Variants in ATG5 observed in about 807,000 individuals in gnomAD.
ATG5 encodes autophagy protein 5.
A neutral mutation model predicts 36.5 loss-of-function variants in ATG5; 14 were observed. That is an observed-to-expected ratio of 0.38 (90% CI 0.25 to 0.60). ATG5 has a LOEUF of 0.60. ATG5 is among the 20% of genes least tolerant of loss of function. The pLI is 0.60. For missense variants in ATG5, 195 were observed against 326.7 expected (o/e 0.60, Z 3.11); for synonymous variants, 95 against 101.5 (o/e 0.94, Z 0.38).
At position 106,240,854 on chromosome 6, in the gene ATG5, TAA is replaced by T. The variant is rs376670140; in HGVS notation, c.573+7294_573+7295del. ...TACAGATTAAACATAATGCAGCCAT[TAA>T]AAAAGAATAAATTAGGCTGGGTGCG... On this transcript the variant is annotated intron_variant, in intron 6 of 7. Coordinates refer to ENST00000369076, the MANE Select transcript of ATG5 (RefSeq NM_004849.4). Among the ~76,000 whole-genome samples the T allele has an allele frequency of 4.2e-3, 643 of 152,168 alleles. 3 individuals carry two copies. Among genetic ancestry groups the T allele is most frequent in the African/African-American group, 0.015 (602 of 41,516 alleles).
At chr6:106,213,057 A>G (rs146911181) in intron 6 of ATG5, among the ~76,000 whole-genome samples, 75 of 152,312 alleles carry the variant, frequency 4.9e-4, no homozygotes, top group African/African-American at 1.7e-3. Context: ...GACTACTACT[A>G]CTAACATATA....
chr6:106,309,632 A>G (rs117592524), intron 2 of ATG5, among the ~76,000 whole-genome samples: 1 of 152,296 alleles, frequency 6.6e-6, no homozygotes, highest in Non-Finnish European at 1.5e-5. Flanking sequence ...CCCCACAGGA[A>G]GTATTATCGC....
rs540429872 is a variant in ATG5 at position 106,303,590 on chromosome 6, C to A, written c.236+4774G>T. ...AGCCCGTATAACCCTAATGCTAAAT[C>A]AGACAATAGAAAAAACAGAAAACTA... is the stretch of plus-strand genomic sequence containing the variant. On this transcript the variant is annotated intron_variant, in intron 3 of 7. Transcript: ENST00000369076. Among the ~76,000 whole-genome samples, 12 of 152,182 alleles carry A rather than the reference C, an allele frequency of 7.9e-5. No individual in the cohort carries two copies. In the South Asian group the frequency reaches 2.3e-3, roughly 29 times the overall value.
intron 4 of ATG5, among the ~76,000 whole-genome samples, chr6:106,282,154 A>C (rs1051919007): frequency 1.3e-5 from 2 of 152,228 alleles, no homozygotes; most frequent in African/African-American, 4.8e-5. Context: ...GCACACCTCC[A>C]AAATGGACCA....
At chr6:106,297,573 C>T (rs1037391221) in intron 3 of ATG5, among the ~76,000 whole-genome samples, 1 of 151,868 alleles carries the variant, frequency 6.6e-6, no homozygotes, top group African/African-American at 2.4e-5. Context: ...GGGATGTTGA[C>T]CATTTTAGAT....
intron 6 of ATG5, among the ~76,000 whole-genome samples, chr6:106,239,468 C>A (rs528645887): frequency 6.6e-6 from 1 of 151,942 alleles, no homozygotes; most frequent in African/African-American, 2.4e-5. Context: ...CTATGGGGAA[C>A]TGAATAAGTG....
chr6:106,290,213 ATTTAT>A lies in ATG5; in HGVS notation c.315+2810_315+2814del, dbSNP rs1390548120. ...GGCTTATTTTATTTTATTTTATTTT[ATTTAT>A]TTTATATATTTTATTTTATTTATCT... On this transcript the variant is annotated intron_variant, in intron 4 of 7. Coordinates refer to ENST00000369076, the MANE Select transcript of ATG5 (RefSeq NM_004849.4). Among the ~76,000 whole-genome samples, 36 of 146,086 alleles carry A rather than the reference ATTTAT, an allele frequency of 2.5e-4. 1 individual carries two copies. The South Asian group carries it at 7.8e-3, about 31-fold the overall frequency.
chr6:106,288,549 C>T (rs1267326964), intron 4 of ATG5, among the ~76,000 whole-genome samples: 2 of 152,160 alleles, frequency 1.3e-5, no homozygotes, highest in Non-Finnish European at 2.9e-5. Flanking sequence ...TTTTCTGATT[C>T]ACCCTTAAAA....
chr6:106,276,446 A>G lies in ATG5; in HGVS notation c.478+3215T>C, dbSNP rs530809533. Among the ~76,000 whole-genome samples the G allele has an allele frequency of 2.0e-4, 29 of 147,764 alleles. No homozygotes were observed. In the South Asian group the frequency reaches 6.4e-3, roughly 33 times the overall value. ...GCCACTGCACTCCAGCCTGGGCGAC[A>G]GAGCGAGACTCTGTCTCCAAAAAAA... On this transcript the variant is annotated intron_variant, in intron 5 of 7. Coordinates refer to ENST00000369076, the MANE Select transcript of ATG5 (RefSeq NM_004849.4).
intron 1 of ATG5, among the ~76,000 whole-genome samples, chr6:106,317,418 C>T (rs1240421402): frequency 4.0e-5 from 6 of 151,894 alleles, no homozygotes; most frequent in Non-Finnish European, 5.9e-5. Context: ...TTTTCCTCTT[C>T]CACTGACCAA....
chr6:106,256,705 C>T lies in ATG5; in HGVS notation c.479-8461G>A, dbSNP rs1426746788. Among the ~76,000 whole-genome samples, 34 of 152,064 alleles carry T rather than the reference C, an allele frequency of 2.2e-4. 1 individual carries two copies. The highest frequency in any genetic ancestry group is 2.2e-3 in the Admixed American group (33 of 15,270). On this transcript the variant is annotated intron_variant, in intron 5 of 7. Transcript: ENST00000369076. ...ACCAGGAAAAGGTACAGTAAAAATA[C>T]CATATAAAATATTTTTAAAAGGCAC...
At chr6:106,237,924 T>G (rs1777961929) in intron 6 of ATG5, among the ~76,000 whole-genome samples, 1 of 152,192 alleles carries the variant, frequency 6.6e-6, no homozygotes, top group Non-Finnish European at 1.5e-5. Context: ...TAAAGAAGAC[T>G]TCTTCTTGGG....
intron 1 of ATG5, among the ~76,000 whole-genome samples, chr6:106,321,400 T>C (rs1383606732): frequency 2.0e-5 from 3 of 151,064 alleles, no homozygotes; most frequent in South Asian, 2.1e-4. Context: ...GCTCTGTCGC[T>C]CAGGATGGAG....
chr6:106,274,201 A>C (rs528037245), intron 5 of ATG5, among the ~76,000 whole-genome samples: 252 of 152,302 alleles, frequency 1.7e-3, no homozygotes, highest in African/African-American at 5.9e-3. Flanking sequence ...AAGAAAAACA[A>C]CTTGATATTA....
At chr6:106,187,929 A>G (rs565783467) in intron 7 of ATG5, among the ~76,000 whole-genome samples, 1 of 152,332 alleles carries the variant, frequency 6.6e-6, no homozygotes, top group African/African-American at 2.4e-5. Context: ...TTCCAAAGAT[A>G]ACCAAATAAA....
At chr6:106,236,004 T>A (rs1469101523) in intron 6 of ATG5, among the ~76,000 whole-genome samples, 1 of 152,198 alleles carries the variant, frequency 6.6e-6, no homozygotes, top group African/African-American at 2.4e-5. Context: ...TACACCCTCC[T>A]GACCTGGCCC....
At chr6:106,290,029 T>A (rs970156723) in intron 4 of ATG5, among the ~76,000 whole-genome samples, 1 of 150,106 alleles carries the variant, frequency 6.7e-6, no homozygotes, top group Non-Finnish European at 1.5e-5. Flanking sequence ...TTTATTATAT[T>A]ATTATTATTT....
intron 3 of ATG5, chr6:106,304,414 G>C (rs1770350362): frequency 6.6e-6 from 1 of 152,144 alleles, no homozygotes; most frequent in Admixed American, 6.5e-5. Context: ...TATAGTCCCA[G>C]AATGGAAACA....
intron 4 of ATG5, among the ~76,000 whole-genome samples, chr6:106,280,104 T>C (rs943323735): frequency 6.6e-6 from 1 of 151,880 alleles, no homozygotes; most frequent in Non-Finnish European, 1.5e-5. Flanking sequence ...CATACCAATA[T>C]TGGCAAAGAT....
Sources: gnomAD v4.1 joint callset for allele counts (sites outside exome capture counted in the v4.1 genomes callset) on GRCh38, gnomAD v4.1.1 for gene constraint, MANE v1.5 for transcripts, NCBI Gene and HGNC (gene_info 2026-07-23, HGNC 2026-07-21) for gene names.